Variants in BTBD10 observed in about 807,000 individuals in gnomAD.
The protein encoded by BTBD10 is BTB/POZ domain-containing protein 10.
Under a neutral mutation model 53.2 loss-of-function variants are expected in BTBD10, and 21 were observed. The ratio of observed to expected loss-of-function variants is 0.39; its 90% confidence interval spans 0.28 to 0.57. The LOEUF is 0.57. Ranked by LOEUF, BTBD10 falls within the 20% of genes least tolerant of loss-of-function variation. BTBD10 has a pLI of 0.53. For synonymous variants in BTBD10, 149 were observed against 192.7 expected (o/e 0.77, Z 1.88); for missense variants, 360 against 594.7 (o/e 0.61, Z 4.10).
At chr11:13,453,102 C>T (rs1300724925) in intron 1 of BTBD10, among the ~76,000 whole-genome samples, 3 of 152,062 alleles carry the variant, frequency 2.0e-5, no homozygotes, top group Non-Finnish European at 4.4e-5. Context: ...TAGAACCAAT[C>T]TAAATGTTCA....
At chr11:13,393,128 A>G (rs907026240) in intron 8 of BTBD10, among the ~76,000 whole-genome samples, 2 of 152,230 alleles carry the variant, frequency 1.3e-5, no homozygotes, top group African/African-American at 4.8e-5. Flanking sequence ...GCTTTCCCAC[A>G]ACACATTTGT....
intron 1 of BTBD10, among the ~76,000 whole-genome samples, chr11:13,448,247 C>T (rs1950785626): frequency 1.3e-5 from 2 of 152,140 alleles, no homozygotes; most frequent in East Asian, 3.8e-4. Context: ...CTCTCTCCCA[C>T]CTGGAGCACT....
chr11:13,399,202 G>A (rs888359345), intron 8 of BTBD10, among the ~76,000 whole-genome samples: 1 of 151,972 alleles, frequency 6.6e-6, no homozygotes, highest in Admixed American at 6.6e-5. Flanking sequence ...CGTAGATTTG[G>A]TCTTTTCACA....
At chr11:13,461,840 T>G (rs1951105342) in intron 1 of BTBD10, among the ~76,000 whole-genome samples, 1 of 152,190 alleles carries the variant, frequency 6.6e-6, no homozygotes, top group Non-Finnish European at 1.5e-5. Flanking sequence ...TTGTATGTAT[T>G]AATATAATAG....
chr11:13,439,580 A>C (rs56687981), intron 2 of BTBD10, among the ~76,000 whole-genome samples: 2,340 of 152,206 alleles, frequency 0.015, 63 homozygotes, highest in African/African-American at 0.053. Context: ...ATTATTGCAA[A>C]ATTACTCTCT....
chr11:13,461,456 C>T (rs927731567), intron 1 of BTBD10, among the ~76,000 whole-genome samples: 1 of 152,106 alleles, frequency 6.6e-6, no homozygotes, highest in Non-Finnish European at 1.5e-5. Context: ...AACTAGTACC[C>T]GAAGGCATGT....
chr11:13,453,262 C>A (rs1220970032), intron 1 of BTBD10, among the ~76,000 whole-genome samples: 1 of 151,466 alleles, frequency 6.6e-6, no homozygotes, highest in African/African-American at 2.4e-5. Context: ...TATTTACACA[C>A]AAGAAAAACA....
intron 7 of BTBD10, 114 bp downstream of exon 7, chr11:13,405,545 T>C: frequency 1.8e-6 from 2 of 1,118,342 alleles, no homozygotes; most frequent in South Asian, 1.5e-5. Context: ...TTTATAAAAA[T>C]AGGTGATGGG....
chr11:13,395,044 T>G (rs557629405), intron 8 of BTBD10, among the ~76,000 whole-genome samples: 2 of 149,454 alleles, frequency 1.3e-5, no homozygotes, highest in East Asian at 3.9e-4. Context: ...TTATAGTCCT[T>G]TGGGTATATA....
chr11:13,390,747 A>G (rs780501399), intron 8 of BTBD10, among the ~76,000 whole-genome samples: 1 of 152,236 alleles, frequency 6.6e-6, no homozygotes, highest in Non-Finnish European at 1.5e-5. Flanking sequence ...ATGGTCTCAC[A>G]TAGTAGGGGA....
intron 2 of BTBD10, among the ~76,000 whole-genome samples, chr11:13,433,823 T>G (rs970954925): frequency 6.6e-6 from 1 of 152,172 alleles, no homozygotes; most frequent in Non-Finnish European, 1.5e-5. Context: ...GTATTAAATG[T>G]CAACAACTAT....
At chr11:13,412,140 A>G (rs979091398) in intron 6 of BTBD10, among the ~76,000 whole-genome samples, 1 of 151,418 alleles carries the variant, frequency 6.6e-6, no homozygotes, top group African/African-American at 2.4e-5. Context: ...CCCTAAAATC[A>G]TTTTTTTAAG....
At chr11:13,458,605 T>G (rs376957539) in intron 1 of BTBD10, among the ~76,000 whole-genome samples, 36 of 152,352 alleles carry the variant, frequency 2.4e-4, no homozygotes, top group East Asian at 2.1e-3. Context: ...CACTTTAGTT[T>G]TCTCTTCCAA....
intron 1 of BTBD10, among the ~76,000 whole-genome samples, chr11:13,455,407 AGT>A (rs1950943739): frequency 6.6e-6 from 1 of 152,208 alleles, no homozygotes; most frequent in Admixed American, 6.5e-5. Context: ...CAATAAATGA[AGT>A]GTTATTCATT....
intron 8 of BTBD10, among the ~76,000 whole-genome samples, chr11:13,401,335 T>A (rs1484950824): frequency 6.6e-6 from 1 of 152,164 alleles, no homozygotes; most frequent in Non-Finnish European, 1.5e-5. Flanking sequence ...GTAACTAATT[T>A]ACATATAGCT....
intron 5 of BTBD10, among the ~76,000 whole-genome samples, chr11:13,414,844 G>GA (rs71041526): frequency 0.39 from 33,003 of 84,562 alleles, 6,824 homozygotes; most frequent in Middle Eastern, 0.48. Context: ...CATCTCAAAC[G>GA]AAAAAAAAAA....
rs1369168207 is a variant in BTBD10 at position 13,437,246 on chromosome 11, G to A, written c.101+7778C>T. ...AATGGATTTTTTAGGGGAGGGGTGA[G>A]GAAGAAGATGGGAAGCCATATGATA... On this transcript the variant is annotated intron_variant, in intron 2 of 8. Coordinates refer to ENST00000278174, the MANE Select transcript of BTBD10 (RefSeq NM_032320.7). Among the ~76,000 whole-genome samples, 8 of 152,276 alleles carry A rather than the reference G, an allele frequency of 5.3e-5. No homozygotes were observed. In the East Asian group the frequency reaches 9.6e-4, roughly 18 times the overall value.
chr11:13,402,465 A>AAGGTCACAGGATTTGAACAT (rs1949734754), intron 8 of BTBD10, among the ~76,000 whole-genome samples: 2 of 152,228 alleles, frequency 1.3e-5, no homozygotes, highest in African/African-American at 4.8e-5. Flanking sequence ...TGCCTTGGCC[A>AAGGTCACAGGATTTGAACAT]AGGTCACAGG....
intron 2 of BTBD10, among the ~76,000 whole-genome samples, chr11:13,436,780 A>C (rs561961687): frequency 2.6e-4 from 37 of 140,156 alleles, no homozygotes; most frequent in African/African-American, 4.0e-4. Context: ...AGCTGTCACA[A>C]GATTTCTCTG....
Sources: gnomAD v4.1 joint callset for allele counts (sites outside exome capture counted in the v4.1 genomes callset) on GRCh38, gnomAD v4.1.1 for gene constraint, MANE v1.5 for transcripts, NCBI Gene and HGNC (gene_info 2026-07-23, HGNC 2026-07-21) for gene names.